GLI2: variants seen among roughly 807,000 people sequenced by gnomAD.
GLI2 encodes the protein GLI family zinc finger 2.
A neutral mutation model predicts 78.9 loss-of-function variants in GLI2; 22 were observed. The observed-to-expected ratio is 0.28, with a 90% confidence interval of 0.20 to 0.40. The LOEUF is 0.40. GLI2 is among the 10% of genes least tolerant of loss of function. The pLI is 1.00. For synonymous variants in GLI2, 974 were observed against 963.7 expected (o/e 1.01, Z -0.20); for missense variants, 2,097 against 2,213.2 (o/e 0.95, Z 1.05).
intron 2 of GLI2, among the ~76,000 whole-genome samples, chr2:120,915,420 G>C (rs923348334): frequency 6.6e-6 from 1 of 152,190 alleles, no homozygotes; most frequent in African/African-American, 2.4e-5. Context: ...TTAGTTGCAC[G>C]TTGTGGAGTG....
chr2:120,818,468 G>A (rs62150711), intron 2 of GLI2, among the ~76,000 whole-genome samples: 74,475 of 152,144 alleles, frequency 0.49, 18,338 homozygotes, highest in South Asian at 0.52. Context: ...CAAGAGCCAG[G>A]AAGGACTGAA....
At chr2:120,869,498 G>T (rs1688321486) in intron 2 of GLI2, among the ~76,000 whole-genome samples, 1 of 152,126 alleles carries the variant, frequency 6.6e-6, no homozygotes, top group Non-Finnish European at 1.5e-5. Context: ...TTTATGAAAT[G>T]GCCATAATCC....
chr2:120,920,666 A>C (rs1339114432), intron 2 of GLI2, among the ~76,000 whole-genome samples: 1 of 152,076 alleles, frequency 6.6e-6, no homozygotes, highest in African/African-American at 2.4e-5. Flanking sequence ...CGCCACCCTC[A>C]GCTTCTCAGG....
At chr2:120,807,852 CCA>C (rs2104718856) in intron 2 of GLI2, among the ~76,000 whole-genome samples, 1 of 152,266 alleles carries the variant, frequency 6.6e-6, no homozygotes, top group East Asian at 1.9e-4. Context: ...GACCACCCCC[CCA>C]CACACCTCCC....
At chr2:120,972,311 G>A (rs902964095) in intron 8 of GLI2, among the ~76,000 whole-genome samples, 1 of 152,202 alleles carries the variant, frequency 6.6e-6, no homozygotes, top group African/African-American at 2.4e-5. Context: ...ATGAACTTCT[G>A]CCTAGCCATC....
intron 8 of GLI2, 45 bp from the exon 9 acceptor site, chr2:120,974,930 G>A (rs779618442): frequency 6.2e-7 from 1 of 1,614,204 alleles, no homozygotes; most frequent in South Asian, 1.1e-5. Context: ...TCAGGGCCAG[G>A]TGTCTGGACA....
At chr2:120,879,642 G>A (rs112272461) in intron 2 of GLI2, among the ~76,000 whole-genome samples, 115 of 152,332 alleles carry the variant, frequency 7.5e-4, no homozygotes, top group African/African-American at 2.8e-3. Flanking sequence ...TCTGGCTGCG[G>A]CCCCACCACG....
intron 1 of GLI2, among the ~76,000 whole-genome samples, chr2:120,796,612 A>G (rs1172250314): frequency 1.3e-5 from 2 of 152,192 alleles, no homozygotes; most frequent in African/African-American, 4.8e-5. Flanking sequence ...GTGCCCCTGC[A>G]ACCCTCTCTG....
At chr2:120,775,117 C>T (rs552248787) in intron 1 of GLI2, among the ~76,000 whole-genome samples, 3 of 152,308 alleles carry the variant, frequency 2.0e-5, no homozygotes, top group East Asian at 3.9e-4. Flanking sequence ...GTCTTGCCCA[C>T]TTTCCTACCT....
At chr2:120,827,110 A>T (rs1464509884) in intron 2 of GLI2, among the ~76,000 whole-genome samples, 4 of 152,184 alleles carry the variant, frequency 2.6e-5, no homozygotes, top group African/African-American at 9.7e-5. Flanking sequence ...CCGTGACCGG[A>T]TGAGTGCTTC....
intron 2 of GLI2, among the ~76,000 whole-genome samples, chr2:120,873,404 CA>C (rs1688567104): frequency 6.6e-6 from 1 of 152,114 alleles, no homozygotes. Flanking sequence ...TTTCCCAGAA[CA>C]ACAACAAAAA....
chr2:120,892,671 C>T (rs1438038107), intron 2 of GLI2, among the ~76,000 whole-genome samples: 1 of 152,204 alleles, frequency 6.6e-6, no homozygotes, highest in Non-Finnish European at 1.5e-5. Context: ...TAATCAGTAA[C>T]CCTACTTAAC....
intron 2 of GLI2, among the ~76,000 whole-genome samples, chr2:120,894,307 G>C (rs1677830781): frequency 6.6e-6 from 1 of 152,198 alleles, no homozygotes; most frequent in Non-Finnish European, 1.5e-5. Context: ...CCTTAGAAAG[G>C]ACACCCCTTA....
chr2:120,737,744 T>C lies in GLI2; in HGVS notation c.-31+1459T>C, dbSNP rs1682413746. 6.6e-6 allele frequency among the ~76,000 whole-genome samples: 1 copy of C among 152,180 alleles called. No homozygotes were observed. The highest frequency in any genetic ancestry group is 1.5e-5 in the Non-Finnish European group (1 of 68,028). On this transcript the variant is annotated intron_variant, in intron 1 of 13. Coordinates refer to ENST00000361492, the MANE Select transcript of GLI2 (RefSeq NM_001374353.1). This position sits in a 1 kb window ranked among gnomAD's most constrained non-coding sequence, Gnocchi z 4.3. ...TGTTTGCAGACGAGGCTCTGGGGGA[T>C]GTAGGAGAATTTGAAAGTAAACGTT...
chr2:120,922,077 A>G (rs1664613160), intron 2 of GLI2, among the ~76,000 whole-genome samples: 1 of 152,156 alleles, frequency 6.6e-6, no homozygotes, highest in African/African-American at 2.4e-5. Context: ...TGACTTGTCC[A>G]CCACCTGTCT....
At chr2:120,815,792 T>C (rs1286068994) in intron 2 of GLI2, among the ~76,000 whole-genome samples, 1 of 152,212 alleles carries the variant, frequency 6.6e-6, no homozygotes, top group Non-Finnish European at 1.5e-5. Context: ...GTGATATCTC[T>C]ACAAAGCCAC....
intron 2 of GLI2, among the ~76,000 whole-genome samples, chr2:120,845,557 T>G (rs1687076393): frequency 6.6e-6 from 1 of 152,044 alleles, no homozygotes; most frequent in Non-Finnish European, 1.5e-5. Flanking sequence ...TCCGCCCAGT[T>G]TTGGGTGGCC....
At chr2:120,759,856 C>G (rs537666404) in intron 1 of GLI2, among the ~76,000 whole-genome samples, 1 of 152,328 alleles carries the variant, frequency 6.6e-6, no homozygotes, top group Non-Finnish European at 1.5e-5. Flanking sequence ...TTACAGTCAA[C>G]TCATCAGCAT....
intron 2 of GLI2, among the ~76,000 whole-genome samples, chr2:120,810,536 C>T (rs928656745): frequency 6.6e-6 from 1 of 152,124 alleles, no homozygotes; most frequent in African/African-American, 2.4e-5. Context: ...CAGCCTCTCT[C>T]CTCTCCCTGG....
Sources: gnomAD v4.1 joint callset for allele counts (sites outside exome capture counted in the v4.1 genomes callset) on GRCh38, gnomAD v4.1.1 for gene constraint, Gnocchi (gnomAD v3.1) non-coding constraint, MANE v1.5 for transcripts, NCBI Gene and HGNC (gene_info 2026-07-23, HGNC 2026-07-21) for gene names.